The following ADCY3 variants were observed in gnomAD, a reference collection of about 807,000 sequenced individuals.
ADCY3 encodes adenylate cyclase type 3.
A neutral mutation model predicts 119.4 loss-of-function variants in ADCY3; 70 were observed. The ratio of observed to expected loss-of-function variants is 0.59; its 90% CI spans 0.48 to 0.72. The LOEUF is 0.72. Among genes scored for constraint, ADCY3 ranks in the 30% least tolerant of loss-of-function variants. ADCY3 has a pLI of 0.00. For missense variants in ADCY3, 1,238 were observed against 1,541.6 expected, an observed-to-expected ratio of 0.80 and a Z score of 3.30; for synonymous variants, 672 against 621.4, an observed-to-expected ratio of 1.08 and a Z score of -1.21.
At chr2:24,837,674 AAAT>A (rs1670476289) in intron 8 of ADCY3, among the ~76,000 whole-genome samples, 1 of 152,196 alleles carries the variant, frequency 6.6e-6, no homozygotes, top group South Asian at 2.1e-4. Flanking sequence ...AGATTACAAA[AAAT>A]AAGACAACCT....
intron 2 of ADCY3, among the ~76,000 whole-genome samples, chr2:24,876,623 G>T (rs1392649892): frequency 1.3e-5 from 2 of 152,160 alleles, no homozygotes; most frequent in African/African-American, 4.8e-5. Flanking sequence ...AGGGACGGTG[G>T]CGTGACATCG....
intron 20 of ADCY3, 81 bp downstream of exon 20, chr2:24,821,436 C>T: frequency 6.4e-7 from 1 of 1,569,630 alleles, no homozygotes; most frequent in South Asian, 1.2e-5. Context: ...TGTCCTGAGC[C>T]TCATGTCTCT....
rs1336845056 is a variant in ADCY3, at chr2:24,918,170, G to T, written c.675+143C>A. 3.3e-6 allele frequency: 3 copies of T among 897,908 alleles called. No homozygotes were observed. Among genetic ancestry groups the T allele is most frequent in the Non-Finnish European group, 5.1e-6 (3 of 591,450 alleles). The allele number at this position is 897,908 out of a possible 1,614,324, so 55.6% of individuals were successfully genotyped here. A position where few individuals can be genotyped will look rare whatever the true frequency, so the allele number is the denominator to read the frequency against. On this transcript the variant is annotated intron_variant, in intron 2 of 21. Transcript: ENST00000679454. This position sits in a 1 kb window ranked among gnomAD's most constrained non-coding sequence, Gnocchi z 5.4. Reference sequence around the variant, plus strand: ...TAATGGCACAGGGGTGAAAAGGCAGGGACTAGGGAGAGAGGTGAGAGCCCC... The same window carrying T: ...TAATGGCACAGGGGTGAAAAGGCAGTGACTAGGGAGAGAGGTGAGAGCCCC...
chr2:24,851,630 T>A (rs779222410), intron 3 of ADCY3, among the ~76,000 whole-genome samples: 8 of 152,164 alleles, frequency 5.3e-5, no homozygotes, highest in Non-Finnish European at 1.0e-4. Context: ...CTGCTACAGA[T>A]GTGAAGGTCC....
chr2:24,896,409 TC>T (rs1049495415), intron 2 of ADCY3, among the ~76,000 whole-genome samples: 11 of 152,252 alleles, frequency 7.2e-5, no homozygotes, highest in African/African-American at 2.4e-4. Context: ...TATTTTCATG[TC>T]CTTTCCCTGA....
chr2:24,903,693 G>A (rs1164423138), intron 2 of ADCY3, among the ~76,000 whole-genome samples: 2 of 152,152 alleles, frequency 1.3e-5, no homozygotes, highest in Admixed American at 1.3e-4. Flanking sequence ...GGTGAGGGGC[G>A]GGGAGGAATG....
rs1396223390 is a variant in ADCY3 at position 24,919,014 on chromosome 2, A to G, written c.-27T>C. On this transcript the variant is annotated 5_prime_UTR_variant, in exon 2 of 22. Transcript: ENST00000679454. This position sits in a 1 kb window ranked among gnomAD's most constrained non-coding sequence, Gnocchi z 5.5. ...CTGGCTGGTGTCTGCTACTGGCCCT[A>G]GAGAAGTGGACTGGGAACGGAGGAA... 2 of 1,522,786 alleles carry G rather than the reference A, an allele frequency of 1.3e-6. No homozygotes were observed. The highest frequency in any genetic ancestry group is 8.8e-7 in the Non-Finnish European group (1 of 1,138,532). 94.3% of individuals were successfully genotyped at this position (1,522,786 alleles called of 1,614,324 possible). A position where few individuals can be genotyped will look rare whatever the true frequency, so the allele number is the denominator to read the frequency against.
intron 2 of ADCY3, among the ~76,000 whole-genome samples, chr2:24,917,820 C>T (rs1016305521): frequency 2.6e-5 from 4 of 152,204 alleles, no homozygotes; most frequent in South Asian, 2.1e-4. Flanking sequence ...TATCCTAATG[C>T]GCTTTCCCCC....
At chr2:24,823,492 A>ATT (rs5829941) in intron 17 of ADCY3, 137 bp from the exon 18 acceptor site, 226,349 of 652,320 alleles carry the variant, frequency 0.35, 23,804 homozygotes, top group Admixed American at 0.5. Context: ...TTATTCCAGC[A>ATT]TTTTTTTTTT....
At chr2:24,820,662 A>G (rs1420270586) in intron 21 of ADCY3, 62 bp downstream of exon 21, 1 of 1,604,340 alleles carries the variant, frequency 6.2e-7, no homozygotes, top group Non-Finnish European at 8.5e-7. Flanking sequence ...GTGGGAAAGC[A>G]CTGTTCCGGT....
At chr2:24,911,385 G>A (rs1663623623) in intron 2 of ADCY3, among the ~76,000 whole-genome samples, 2 of 151,328 alleles carry the variant, frequency 1.3e-5, no homozygotes, top group Non-Finnish European at 2.9e-5. Context: ...TGTGGTTCAT[G>A]CCTGTAATCC....
In ADCY3 at chr2:24,820,776, G is replaced by A. The variant is rs1318927762; in HGVS notation, c.3200C>T (p.Thr1067Ile). 1 of 1,614,104 alleles carries A rather than the reference G, an allele frequency of 6.2e-7. No individual in the cohort carries two copies. The highest frequency in any genetic ancestry group is 1.7e-5 in the Admixed American group (1 of 60,020). The part of the protein sequence containing the change: ...RKPHYDIWGN[T>I]VNVASRMEST... Reference sequence around the variant, plus strand: ...CTCCATCCTGCTGGCTACATTGACTGTATTGCCCCAGATGTCGTAGTGTGG... The same window carrying A: ...CTCCATCCTGCTGGCTACATTGACTATATTGCCCCAGATGTCGTAGTGTGG... The change falls in exon 21 of 22, where the codon ACA becomes ATA. Residue 1067 changes from threonine (T) to isoleucine (I), a missense_variant. Transcript: ENST00000679454.
intron 3 of ADCY3, among the ~76,000 whole-genome samples, chr2:24,858,243 G>C (rs1277055364): frequency 1.3e-5 from 2 of 151,690 alleles, no homozygotes; most frequent in African/African-American, 4.9e-5. Flanking sequence ...GGGGCTCAGT[G>C]ACCCAGTTAG....
At position 24,820,802 on chromosome 2, in the gene ADCY3, T is replaced by C. The variant is rs773994671; in HGVS notation, c.3174A>G (p.Lys1058=). The stretch of plus-strand genomic sequence containing the variant: ...TATTGCCCCAGATGTCGTAGTGTGG[T>C]TTCCGGGCTCCGATGACCCCAGCCA... ...GVLAGVIGAR[K]PHYDIWGNTV... is the part of the protein sequence containing the mutation. The change falls in exon 21 of 22, where the codon AAA becomes AAG. Residue 1058 remains lysine (K), a synonymous_variant. Transcript: ENST00000679454. The C allele has an allele frequency of 1.5e-5, 24 of 1,614,102 alleles. No homozygotes were observed. In the East Asian group the frequency reaches 4.7e-4, roughly 31 times the overall value.
rs531648596 is a variant in ADCY3 at position 24,900,370 on chromosome 2, T to A, written c.675+17943A>T. On this transcript the variant is annotated intron_variant, in intron 2 of 21. Transcript: ENST00000679454. ...AAAAAAAAAAAAAATAAATAAAAAA[T>A]TTTTTAAAAACGTAAATGTTTATGT... 1.1e-3 allele frequency among the ~76,000 whole-genome samples: 166 copies of A among 150,994 alleles called. 1 individual carries two copies. The South Asian group carries it at 0.019, about 17-fold the overall frequency.
At chr2:24,881,423 C>T (rs1408504959) in intron 2 of ADCY3, among the ~76,000 whole-genome samples, 1 of 152,166 alleles carries the variant, frequency 6.6e-6, no homozygotes. Context: ...GAAGTGAATG[C>T]CAAGCAAGAT....
intron 18 of ADCY3, 138 bp downstream of exon 18, chr2:24,823,071 T>C: frequency 8.8e-7 from 1 of 1,138,232 alleles, no homozygotes; most frequent in South Asian, 1.7e-5. Flanking sequence ...TCCAGGTGGC[T>C]GCAGAAGTCC....
At chr2:24,914,800 T>C (rs912418596) in intron 2 of ADCY3, among the ~76,000 whole-genome samples, 1 of 152,030 alleles carries the variant, frequency 6.6e-6, no homozygotes, top group Admixed American at 6.5e-5. Context: ...CAGCACAGCC[T>C]GAGTGTCAGA....
intron 3 of ADCY3, among the ~76,000 whole-genome samples, chr2:24,864,534 G>A (rs573398750): frequency 1.3e-5 from 2 of 152,344 alleles, no homozygotes; most frequent in African/African-American, 4.8e-5. Flanking sequence ...GGAGATATCA[G>A]CCTTAACGGG....
Sources: allele counts gnomAD v4.1 joint callset (sites outside exome capture counted in the v4.1 genomes callset), GRCh38; gene constraint gnomAD v4.1.1; non-coding constraint Gnocchi (gnomAD v3.1); transcripts MANE v1.5; gene names NCBI Gene and HGNC (gene_info 2026-07-23, HGNC 2026-07-21).